Variants in KIAA1958 observed in about 807,000 individuals in gnomAD.
The protein encoded by KIAA1958 is KIAA1958.
In KIAA1958, 14 loss-of-function variants were observed where a neutral mutation model predicts 47.2. The observed-to-expected ratio is 0.30, with a 90% CI of 0.20 to 0.46. KIAA1958 has a LOEUF of 0.46. Among genes scored for constraint, KIAA1958 ranks in the 20% least tolerant of loss-of-function variants. The probability of loss-of-function intolerance (pLI) is 1.00; values close to 1 mark genes in which losing one functional copy is unlikely to be tolerated. For missense variants in KIAA1958, 803 were observed against 909.2 expected, an observed-to-expected ratio of 0.88 and a Z score of 1.50; for synonymous variants, 354 against 353.3, an observed-to-expected ratio of 1.00 and a Z score of -0.02.
chr9:112,625,636 T>C (rs977277692), intron 2 of KIAA1958, among the ~76,000 whole-genome samples: 19 of 152,210 alleles, frequency 1.2e-4, no homozygotes, highest in African/African-American at 4.6e-4. Flanking sequence ...TATTTCTACT[T>C]CTTGTTTTCC....
At chr9:112,491,555 T>G (rs773958611) in intron 1 of KIAA1958, among the ~76,000 whole-genome samples, 1 of 151,766 alleles carries the variant, frequency 6.6e-6, no homozygotes, top group Non-Finnish European at 1.5e-5. Context: ...GGTTTTTTTT[T>G]TTGTTTTTTT....
At chr9:112,635,125 T>C (rs78342688) in intron 2 of KIAA1958, among the ~76,000 whole-genome samples, 1,569 of 152,258 alleles carry the variant, frequency 0.01, 17 homozygotes, top group African/African-American at 0.035. Context: ...TGTTCCCTCT[T>C]TTTCTGTTCA....
At chr9:112,617,686 T>C (rs1564191661) in intron 2 of KIAA1958, among the ~76,000 whole-genome samples, 1 of 152,188 alleles carries the variant, frequency 6.6e-6, no homozygotes, top group Non-Finnish European at 1.5e-5. Context: ...TAGTAGATCT[T>C]TTGTGAAACT....
chr9:112,548,114 C>T (rs1235436222), intron 1 of KIAA1958, among the ~76,000 whole-genome samples: 1 of 151,044 alleles, frequency 6.6e-6, no homozygotes, highest in Non-Finnish European at 1.5e-5. Context: ...AGCAATCCTC[C>T]CACCTCAGTC....
At chr9:112,613,102 C>T (rs749041971) in intron 2 of KIAA1958, among the ~76,000 whole-genome samples, 4 of 152,010 alleles carry the variant, frequency 2.6e-5, no homozygotes, top group African/African-American at 4.8e-5. Flanking sequence ...CAACTGGTAA[C>T]ATTGGTTGTT....
chr9:112,577,395 T>C lies in KIAA1958; in HGVS notation c.1171+2144T>C, dbSNP rs1183274429. ...AATCTCATCATGAGACAAAATGTTA[T>C]CTTTATTAGGCTGGTGAAAGTCTTT... On this transcript the variant is annotated intron_variant, in intron 2 of 3. Coordinates refer to ENST00000337530, the MANE Select transcript of KIAA1958 (RefSeq NM_133465.4). Among the ~76,000 whole-genome samples the C allele has an allele frequency of 3.3e-5, 5 of 152,278 alleles. No individual in the cohort carries two copies. In the East Asian group the frequency reaches 9.6e-4, roughly 29 times the overall value.
intron 2 of KIAA1958, among the ~76,000 whole-genome samples, chr9:112,612,658 G>A (rs1203519237): frequency 6.6e-6 from 1 of 152,092 alleles, no homozygotes; most frequent in African/African-American, 2.4e-5. Context: ...AATATATCTG[G>A]GAAGGTGTGA....
rs138536173 is a variant in KIAA1958 at position 112,621,310 on chromosome 9, G to A, written c.1172-24340G>A. 3.4e-4 allele frequency among the ~76,000 whole-genome samples: 52 copies of A among 152,084 alleles called. 1 individual carries two copies. The East Asian group carries it at 9.7e-3, about 28-fold the overall frequency. On this transcript the variant is annotated intron_variant, in intron 2 of 3. Coordinates refer to ENST00000337530, the MANE Select transcript of KIAA1958 (RefSeq NM_133465.4). ...GCCTTATTCTATAGTTAGTCCTTACGGCATCAGACAGCCTACTTTAAGGGA... is the reference window on the plus strand; with the variant it reads ...GCCTTATTCTATAGTTAGTCCTTACAGCATCAGACAGCCTACTTTAAGGGA...
chr9:112,489,670 T>A (rs1833929536), intron 1 of KIAA1958, among the ~76,000 whole-genome samples: 1 of 152,108 alleles, frequency 6.6e-6, no homozygotes, highest in Admixed American at 6.5e-5. Flanking sequence ...TTCATTTATT[T>A]TGACAAATAA....
chr9:112,620,148 A>G (rs1836478487), intron 2 of KIAA1958, among the ~76,000 whole-genome samples: 1 of 152,170 alleles, frequency 6.6e-6, no homozygotes, highest in Admixed American at 6.5e-5. Flanking sequence ...AGTTTTTCCA[A>G]GGTCTTTGTT....
At chr9:112,593,026 A>G (rs1056053831) in intron 2 of KIAA1958, among the ~76,000 whole-genome samples, 12 of 152,220 alleles carry the variant, frequency 7.9e-5, no homozygotes, top group Non-Finnish European at 4.4e-5. Flanking sequence ...CACACTAAAT[A>G]GTTTATGGTA....
At chr9:112,620,053 G>T (rs1229348942) in intron 2 of KIAA1958, among the ~76,000 whole-genome samples, 1 of 152,246 alleles carries the variant, frequency 6.6e-6, no homozygotes. Context: ...TTGAAAATGT[G>T]CGAGATTTTT....
intron 2 of KIAA1958, among the ~76,000 whole-genome samples, chr9:112,594,065 A>G (rs1835973951): frequency 6.6e-6 from 1 of 152,084 alleles, no homozygotes; most frequent in African/African-American, 2.4e-5. Context: ...GGGTCTCACT[A>G]CATTGCCCCA....
intron 2 of KIAA1958, among the ~76,000 whole-genome samples, chr9:112,641,327 C>CT (rs1230148640): frequency 0.039 from 3,929 of 101,928 alleles, 136 homozygotes; most frequent in African/African-American, 0.089. Flanking sequence ...GAGACTATGT[C>CT]TTTTTTTTTT....
chr9:112,659,206 G>A, intron 3 of KIAA1958, 57 bp from the exon 4 acceptor site: 1 of 1,419,476 alleles, frequency 7.0e-7, no homozygotes, highest in Non-Finnish European at 9.7e-7. Flanking sequence ...TAGAAGGAAG[G>A]AGGGGTCTGG....
Position 112,487,027 on chromosome 9 carries a change from T to TCGGCC in KIAA1958, c.-113_-109dup, listed in dbSNP as rs1564145011. On this transcript the variant is annotated 5_prime_UTR_variant, in exon 1 of 4. Transcript: ENST00000337530. ...GCTCTCCTCCCGCCCTCGCGCCCCT[T>TCGGCC]CGGCCCGTCCCGTCCAGCCCGGGCT... The TCGGCC allele has an allele frequency of 1.5e-5, 3 of 196,404 alleles. No homozygotes were observed. The highest frequency in any genetic ancestry group is 1.7e-4 in the East Asian group (1 of 5,734). The allele number at this position is 196,404 out of a possible 1,614,324, so 12.2% of individuals were successfully genotyped here.
At chr9:112,634,568 A>C (rs1836770492) in intron 2 of KIAA1958, among the ~76,000 whole-genome samples, 1 of 152,076 alleles carries the variant, frequency 6.6e-6, no homozygotes, top group Non-Finnish European at 1.5e-5. Context: ...TCCCTTCTAA[A>C]TGATTTTTTT....
intron 2 of KIAA1958, among the ~76,000 whole-genome samples, chr9:112,632,324 C>A (rs1240386804): frequency 6.6e-6 from 1 of 151,620 alleles, no homozygotes; most frequent in Admixed American, 6.6e-5. Context: ...TTTTTAATGA[C>A]CACATGTAAA....
At chr9:112,499,905 GTCTCTA>G in intron 1 of KIAA1958, among the ~76,000 whole-genome samples, 1 of 151,770 alleles carries the variant, frequency 6.6e-6, no homozygotes, top group Non-Finnish European at 1.5e-5. Context: ...AGCCAGGATG[GTCTCTA>G]TCTCCTGACC....
Sources: allele counts gnomAD v4.1 joint callset (sites outside exome capture counted in the v4.1 genomes callset), GRCh38; gene constraint gnomAD v4.1.1; transcripts MANE v1.5; gene names NCBI Gene and HGNC (gene_info 2026-07-23, HGNC 2026-07-21).